The following NNMT variants were observed in gnomAD, a reference collection of about 807,000 sequenced individuals.
NNMT encodes nicotinamide N-methyltransferase.
A neutral mutation model predicts 11.7 loss-of-function variants in NNMT; 10 were observed. The ratio of observed to expected loss-of-function variants is 0.85; its 90% confidence interval spans 0.53 to 1.45. NNMT has a LOEUF of 1.45. Ranked by LOEUF, NNMT falls within the 40% of genes most tolerant of loss-of-function variation. The probability of loss-of-function intolerance (pLI) is 0.00; values close to 1 mark genes in which losing one functional copy is unlikely to be tolerated. For missense variants in NNMT, 381 were observed against 319.4 expected (o/e 1.19, Z -1.47); for synonymous variants, 143 against 133.8 (o/e 1.07, Z -0.48).
chr11:114,296,736 C>A, intron 1 of NNMT, 26 bp downstream of exon 1: 1 of 1,611,910 alleles, frequency 6.2e-7, no homozygotes, highest in Non-Finnish European at 8.5e-7. Flanking sequence ...GCATGTCTCC[C>A]CACTAATGTG....
At chr11:114,292,815 A>G (rs1945344286), upstream of NNMT, among the ~76,000 whole-genome samples, 1 of 152,150 alleles carries the variant, frequency 6.6e-6, no homozygotes, top group South Asian at 2.1e-4. Flanking sequence ...GTGAGGGGAA[A>G]TGGGTACAAT....
At chr11:114,301,885 C>G (rs1044018646) in intron 2 of NNMT, among the ~76,000 whole-genome samples, 2 of 151,864 alleles carry the variant, frequency 1.3e-5, no homozygotes, top group African/African-American at 2.4e-5. Flanking sequence ...GGTATTCTGT[C>G]TCTATCTCAC....
Position 114,307,721 on chromosome 11 carries a change from T to G in NNMT, c.363-4324T>G, listed in dbSNP as rs12224177. 1.2e-3 allele frequency among the ~76,000 whole-genome samples: 183 copies of G among 152,198 alleles called. 1 individual carries two copies. In the East Asian group the frequency reaches 0.03, roughly 25 times the overall value. On this transcript the variant is annotated intron_variant, in intron 2 of 2. Coordinates refer to ENST00000299964, the MANE Select transcript of NNMT (RefSeq NM_006169.3). ...TCCAGCCACGTTGGCTCTCTCCTCC[T>G]GTGTTTCCTGCCACCACGTGGCCTT... is the stretch of plus-strand genomic sequence containing the variant.
intron 2 of NNMT, among the ~76,000 whole-genome samples, chr11:114,265,860 A>G (rs1477838860): frequency 1.3e-5 from 2 of 151,832 alleles, no homozygotes; most frequent in Non-Finnish European, 1.5e-5. Flanking sequence ...ATTATTCTGC[A>G]CCGCCAAGTC....
chr11:114,267,750 T>C (rs1024950297), intron 2 of NNMT, among the ~76,000 whole-genome samples: 6 of 152,196 alleles, frequency 3.9e-5, no homozygotes, highest in Non-Finnish European at 8.8e-5. Context: ...ATCCCAGACA[T>C]CGTGTTGTTT....
At chr11:114,310,857 C>T (rs899184228) in intron 2 of NNMT, among the ~76,000 whole-genome samples, 9 of 152,186 alleles carry the variant, frequency 5.9e-5, no homozygotes, top group Non-Finnish European at 7.3e-5. Flanking sequence ...CTCCTTTGTC[C>T]GCCCCTGCTC....
chr11:114,259,217 CAG>C (rs1216935380), intron 1 of NNMT, among the ~76,000 whole-genome samples: 1 of 152,082 alleles, frequency 6.6e-6, no homozygotes, highest in African/African-American at 2.4e-5. Flanking sequence ...AGGAGGGAAA[CAG>C]AGAGGTAATT....
chr11:114,271,476 A>G (rs1262278312), intron 2 of NNMT, among the ~76,000 whole-genome samples: 2 of 152,342 alleles, frequency 1.3e-5, no homozygotes, highest in South Asian at 4.1e-4. Flanking sequence ...CAGTGCAGTT[A>G]TAGAGCAGGT....
intron 2 of NNMT, among the ~76,000 whole-genome samples, chr11:114,275,944 C>T (rs1012455800): frequency 2.6e-5 from 4 of 152,166 alleles, no homozygotes; most frequent in Non-Finnish European, 5.9e-5. Flanking sequence ...GCTGGCCACT[C>T]TTTCCATTTC....
chr11:114,287,101 C>T (rs1295051067), intron 2 of NNMT, among the ~76,000 whole-genome samples: 4 of 152,118 alleles, frequency 2.6e-5, no homozygotes, highest in African/African-American at 9.7e-5. Context: ...CATATTGATT[C>T]ACAGAAGTTC....
chr11:114,259,162 C>T (rs187079173), intron 1 of NNMT, among the ~76,000 whole-genome samples: 9 of 152,220 alleles, frequency 5.9e-5, no homozygotes, highest in Non-Finnish European at 1.2e-4. Context: ...GATAGGCACC[C>T]GGTAAATCTT....
chr11:114,280,886 C>A (rs1041481506), intron 2 of NNMT, among the ~76,000 whole-genome samples: 13 of 152,188 alleles, frequency 8.5e-5, no homozygotes, highest in African/African-American at 2.7e-4. Context: ...CGGCAGCCTG[C>A]ACTCCTGTTC....
intron 2 of NNMT, among the ~76,000 whole-genome samples, chr11:114,282,800 A>C (rs1945271819): frequency 6.6e-6 from 1 of 152,180 alleles, no homozygotes; most frequent in African/African-American, 2.4e-5. Flanking sequence ...CCACTGGGGG[A>C]GTACCCTTCC....
intron 2 of NNMT, among the ~76,000 whole-genome samples, chr11:114,263,903 GC>G (rs1276955593): frequency 6.6e-6 from 1 of 152,072 alleles, no homozygotes; most frequent in Non-Finnish European, 1.5e-5. Flanking sequence ...CAGCAGCATG[GC>G]TCCCATATCA....
intron 2 of NNMT, among the ~76,000 whole-genome samples, chr11:114,266,446 A>G (rs1591825091): frequency 6.6e-6 from 1 of 152,080 alleles, no homozygotes; most frequent in Non-Finnish European, 1.5e-5. Flanking sequence ...TCCCACCTCT[A>G]TACCCAGCCT....
At chr11:114,297,450 G>A (rs1171803059) in intron 1 of NNMT, 2 of 147,688 alleles carry the variant, frequency 1.4e-5, no homozygotes, top group South Asian at 4.3e-4. Flanking sequence ...TCACTATGAT[G>A]TAAATTACAG....
intron 2 of NNMT, among the ~76,000 whole-genome samples, chr11:114,308,534 A>G (rs1442300265): frequency 1.3e-5 from 2 of 151,490 alleles, no homozygotes; most frequent in Non-Finnish European, 2.9e-5. Flanking sequence ...TCCTCCCCAT[A>G]CCCCTCAGGC....
Position 114,298,046 on chromosome 11 carries a change from A to G in NNMT, c.250A>G (p.Thr84Ala), listed in dbSNP as rs759368742. The change falls in exon 2 of 3, where the codon ACT becomes GCT. Residue 84 changes from threonine (T) to alanine (A), a missense_variant. Coordinates refer to ENST00000299964, the MANE Select transcript of NNMT (RefSeq NM_006169.3). ...TGAATCCTTTAAGGAGATCGTCGTC[A>G]CTGACTACTCAGACCAGAACCTGCA... ...ACESFKEIVV[T>A]DYSDQNLQEL... 1.9e-6 allele frequency: 3 copies of G among 1,614,120 alleles called. No individual in the cohort carries two copies. In the South Asian group the frequency reaches 3.3e-5, roughly 18 times the overall value.
chr11:114,267,766 C>A (rs750176909), intron 2 of NNMT, among the ~76,000 whole-genome samples: 1 of 152,128 alleles, frequency 6.6e-6, no homozygotes, highest in Non-Finnish European at 1.5e-5. Context: ...TGTTTCACCA[C>A]GACATACTCC....
Sources: gnomAD v4.1 joint callset for allele counts (sites outside exome capture counted in the v4.1 genomes callset) on GRCh38, gnomAD v4.1.1 for gene constraint, MANE v1.5 for transcripts, NCBI Gene and HGNC (gene_info 2026-07-23, HGNC 2026-07-21) for gene names.